The following ITGB5 variants were observed in gnomAD, a reference collection of about 807,000 sequenced individuals.
ITGB5 encodes the protein integrin subunit beta 5, also known as integrin beta-5.
Under a neutral mutation model 84.8 loss-of-function variants are expected in ITGB5, and 38 were observed. The observed-to-expected ratio is 0.45, with a 90% CI of 0.35 to 0.59. The LOEUF (loss-of-function observed/expected upper bound fraction) is 0.59, where lower values mean the gene tolerates loss of function less well. Among genes scored for constraint, ITGB5 ranks in the 20% least tolerant of loss-of-function variants. The pLI, the probability that ITGB5 is intolerant of heterozygous loss-of-function variation, is 0.01. For missense variants in ITGB5, 905 were observed against 1,034.5 expected (o/e 0.87, Z 1.72); for synonymous variants, 393 against 414.4 (o/e 0.95, Z 0.63).
upstream of ITGB5, chr3:124,887,924 T>A (rs1367820601): frequency 4.6e-6 from 1 of 219,586 alleles, no homozygotes; most frequent in East Asian, 1.4e-4. Context: ...TCTTTTCTTT[T>A]TTTTTTTTTT....
chr3:124,854,608 G>C (rs1036923579), intron 3 of ITGB5, among the ~76,000 whole-genome samples: 1 of 152,134 alleles, frequency 6.6e-6, no homozygotes, highest in Non-Finnish European at 1.5e-5. Flanking sequence ...GGGGAGGGTG[G>C]GAGACGGTAG....
At chr3:124,805,323 G>C (rs1579224929) in intron 9 of ITGB5, among the ~76,000 whole-genome samples, 1 of 151,176 alleles carries the variant, frequency 6.6e-6, no homozygotes, top group African/African-American at 2.4e-5. Flanking sequence ...TTGTATTTTT[G>C]GGGGAGACTG....
chr3:124,879,640 C>T (rs750256159), intron 1 of ITGB5, among the ~76,000 whole-genome samples: 17 of 152,132 alleles, frequency 1.1e-4, no homozygotes, highest in Admixed American at 2.0e-4. Context: ...TTTAAAACAC[C>T]AATTCATATA....
rs765458063 is a variant in ITGB5, at chr3:124,796,593, G to A, written c.1488C>T (p.Thr496=). The A allele has an allele frequency of 3.1e-6, 5 of 1,614,018 alleles. No individual in the cohort carries two copies. The highest frequency in any genetic ancestry group is 1.3e-5 in the African/African-American group (1 of 74,930). The change falls in exon 10 of 15, where the codon ACC becomes ACT. Residue 496 remains threonine, a synonymous_variant. Transcript: ENST00000296181. ...TCTCCCCATCCTGGCACTCGCACCT[G>A]GTGCCCAGGTAGCCGGGGCTGCACT... The part of the protein sequence containing the change: ...LCECSPGYLG[T]RCECQDGENQ...
At chr3:124,834,715 A>G (rs896537443) in intron 5 of ITGB5, among the ~76,000 whole-genome samples, 1 of 152,066 alleles carries the variant, frequency 6.6e-6, no homozygotes, top group Non-Finnish European at 1.5e-5. Context: ...CAAACCAGGA[A>G]TACAGGGAAG....
chr3:124,875,476 C>CAAAAAAA (rs35782965), intron 1 of ITGB5, among the ~76,000 whole-genome samples: 2 of 104,668 alleles, frequency 1.9e-5, no homozygotes, highest in African/African-American at 3.6e-5. Flanking sequence ...GACTCTGTCT[C>CAAAAAAA]AAAAAAAAAA....
chr3:124,806,629 G>T (rs1339193838), intron 9 of ITGB5, among the ~76,000 whole-genome samples: 1 of 151,468 alleles, frequency 6.6e-6, no homozygotes, highest in African/African-American at 2.4e-5. Flanking sequence ...AGTAGAGACG[G>T]GGTTTCACCG....
chr3:124,841,324 C>T (rs973684122), intron 5 of ITGB5, 59 bp downstream of exon 5: 41 of 1,532,758 alleles, frequency 2.7e-5, no homozygotes, highest in Admixed American at 5.5e-5. Flanking sequence ...TACCAACACC[C>T]ACTGACGCTC....
intron 4 of ITGB5, among the ~76,000 whole-genome samples, chr3:124,842,923 GCA>G (rs1579282923): frequency 6.6e-6 from 1 of 152,098 alleles, no homozygotes; most frequent in East Asian, 1.9e-4. Flanking sequence ...CAACAGCACA[GCA>G]CAGAGTCCCC....
chr3:124,779,335 G>C (rs1252119264), intron 10 of ITGB5, among the ~76,000 whole-genome samples: 1 of 152,118 alleles, frequency 6.6e-6, no homozygotes, highest in Admixed American at 6.5e-5. Flanking sequence ...GGGAGCAAAG[G>C]GGATGGAAGG....
At chr3:124,869,753 AGTGGGCTGGACAGGGAACCTAAGT>A (rs1386849446) in intron 2 of ITGB5, among the ~76,000 whole-genome samples, 1 of 152,236 alleles carries the variant, frequency 6.6e-6, no homozygotes, top group African/African-American at 2.4e-5. Context: ...GAGGGAGCCC[AGTGGGCTGGACAGGGAACCTAAGT>A]GTGGGCTGGG....
intron 10 of ITGB5, among the ~76,000 whole-genome samples, chr3:124,785,583 T>C (rs2333023): frequency 0.031 from 3,075 of 100,654 alleles, 121 homozygotes; most frequent in African/African-American, 0.11. Context: ...AGACTCCATC[T>C]CAAAAAAAAA....
chr3:124,850,827 C>T lies in ITGB5; in HGVS notation c.362-2269G>A, dbSNP rs575795685. On this transcript the variant is annotated intron_variant, in intron 3 of 14. Transcript: ENST00000296181. ...TTGGTCAGACAGACACAGCTTGTCC[C>T]GCCAGAGGGCTCCTTGGGTGCCACA... is the stretch of plus-strand genomic sequence containing the variant. Among the ~76,000 whole-genome samples, 6 of 152,148 alleles carry T rather than the reference C, an allele frequency of 3.9e-5. 1 individual carries two copies. In the South Asian group the frequency reaches 6.2e-4, roughly 16 times the overall value.
chr3:124,775,290 GCAAGTGTGCATGAGTGTGTA>G (rs1559926532), intron 10 of ITGB5, among the ~76,000 whole-genome samples: 1 of 149,434 alleles, frequency 6.7e-6, no homozygotes, highest in Non-Finnish European at 1.5e-5. Context: ...GTGAGTGGGT[GCAAGTGTGCATGAGTGTGTA>G]CAAGTGTGAG....
chr3:124,883,917 C>T (rs1265224830), intron 1 of ITGB5, among the ~76,000 whole-genome samples: 2 of 151,926 alleles, frequency 1.3e-5, no homozygotes, highest in African/African-American at 2.4e-5. Context: ...TTGGTGGGGA[C>T]GGGAGGGGGT....
intron 3 of ITGB5, among the ~76,000 whole-genome samples, chr3:124,850,884 G>T (rs964006138): frequency 1.1e-4 from 17 of 152,070 alleles, no homozygotes; most frequent in African/African-American, 4.1e-4. Flanking sequence ...GAAGAGGGGG[G>T]AGTTGGGGGA....
chr3:124,874,248 T>G (rs1341082382), intron 1 of ITGB5, among the ~76,000 whole-genome samples: 1 of 137,870 alleles, frequency 7.3e-6, no homozygotes, highest in African/African-American at 2.8e-5. Context: ...CTTTGAGCCA[T>G]GATCGTACCA....
At position 124,809,147 on chromosome 3, in the gene ITGB5, A is replaced by C; in HGVS notation, c.1138T>G (p.Ser380Ala). ...TCCCAGACTGACAACTCCACTTTAGACCGGATACTCTGAATGGAGAGAGAA... is the reference window on the plus strand; with the variant it reads ...TCCCAGACTGACAACTCCACTTTAGCCCGGATACTCTGAATGGAGAGAGAA... The part of the protein sequence containing the change: ...LIINAYNSIR[S>A]KVELSVWDQP... The change falls in exon 9 of 15, where the codon TCT becomes GCT. Residue 380 changes from serine (S) to alanine (A), a missense_variant. This residue lies in a region of ITGB5 where 656 missense variants were observed against 734.7 expected (regional missense o/e 0.89). Transcript: ENST00000296181. 1 of 1,614,090 alleles carries C rather than the reference A, an allele frequency of 6.2e-7. No homozygotes were observed. The highest frequency in any genetic ancestry group is 8.5e-7 in the Non-Finnish European group (1 of 1,180,008).
At position 124,841,412 on chromosome 3, in the gene ITGB5, C is replaced by G. The variant is rs766119996; in HGVS notation, c.751G>C (p.Asp251His). 1.2e-6 allele frequency: 2 copies of G among 1,614,182 alleles called. No homozygotes were observed. The highest frequency in any genetic ancestry group is 1.7e-6 in the Non-Finnish European group (2 of 1,180,012). ...CAGACGGCTGCCTGGAGTACTGCAT[C>G]AAAGCCCCCCTCAGGGGCATCTCGG... The part of the protein sequence containing the change: ...RNRDAPEGGF[D>H]AVLQAAVCKE... The change falls in exon 5 of 15, where the codon GAT (aspartate) becomes CAT (histidine). Residue 251 changes from aspartate (D) to histidine (H), a missense_variant. Around this residue, in one of 3 missense-constraint regions of ITGB5, gnomAD observed 656 missense variants for 734.7 expected, o/e 0.89. Coordinates refer to ENST00000296181, the MANE Select transcript of ITGB5 (RefSeq NM_002213.5).
Sources: gnomAD v4.1 joint callset for allele counts (sites outside exome capture counted in the v4.1 genomes callset) on GRCh38, gnomAD v4.1.1 for gene constraint, gnomAD v4.1.1 regional missense constraint, MANE v1.5 for transcripts, NCBI Gene and HGNC (gene_info 2026-07-23, HGNC 2026-07-21) for gene names.